CRYBG3: variants seen among roughly 807,000 people sequenced by gnomAD.
CRYBG3 encodes the protein very large A-kinase anchor protein.
A neutral mutation model predicts 244.2 loss-of-function variants in CRYBG3; 127 were observed. The ratio of observed to expected loss-of-function variants is 0.52; its 90% CI spans 0.45 to 0.60. The LOEUF (loss-of-function observed/expected upper bound fraction) is 0.60. Ranked by LOEUF, CRYBG3 falls within the 20% of genes least tolerant of loss-of-function variation. The probability of loss-of-function intolerance (pLI) is 0.00; values close to 1 mark genes in which losing one functional copy is unlikely to be tolerated. For missense variants in CRYBG3, 3,325 were observed against 3,442.5 expected, an observed-to-expected ratio of 0.97 and a Z score of 0.85; for synonymous variants, 1,132 against 1,195.8, an observed-to-expected ratio of 0.95 and a Z score of 1.10.
chr3:97,860,830 G>A (rs1294865506), intron 2 of CRYBG3, among the ~76,000 whole-genome samples: 2 of 151,746 alleles, frequency 1.3e-5, no homozygotes, highest in Non-Finnish European at 2.9e-5. Context: ...TTTTCCATAG[G>A]GATCTTTTGT....
chr3:97,915,019 A>T (rs2039912086), intron 16 of CRYBG3, among the ~76,000 whole-genome samples: 1 of 152,146 alleles, frequency 6.6e-6, no homozygotes, highest in Non-Finnish European at 1.5e-5. Context: ...TTCTTTTTAA[A>T]ATTTTCCATT....
chr3:97,875,984 T>C lies in CRYBG3; in HGVS notation c.4790T>C (p.Val1597Ala). 3.0e-5 allele frequency: 37 copies of C among 1,232,036 alleles called. No homozygotes were observed. Among genetic ancestry groups the C allele is most frequent in the Non-Finnish European group, 3.7e-5 (37 of 987,920 alleles). The allele number at this position is 1,232,036 out of a possible 1,614,324, so 76.3% of individuals were successfully genotyped here. The stretch of plus-strand genomic sequence containing the variant: ...GCTAATGTTTTTAAAATGGGAGAAG[T>C]ATACCAAATGGATGCCGAGAGCTGT... The part of the protein sequence containing the change: ...PKANVFKMGE[V>A]YQMDAESCIE... The change falls in exon 4 of 22, where the codon GTA becomes GCA. Residue 1597 changes from valine to alanine, a missense_variant. This residue lies in a region of CRYBG3 where 635 missense variants were observed against 771.7 expected (regional missense o/e 0.82). Transcript: ENST00000389622.
intron 17 of CRYBG3, among the ~76,000 whole-genome samples, chr3:97,926,881 A>G (rs1399804707): frequency 2.0e-5 from 3 of 152,044 alleles, no homozygotes; most frequent in Admixed American, 2.0e-4. Context: ...AGATCTCTAC[A>G]ATGAAAATTA....
At chr3:97,870,906 A>T (rs947007705) in intron 3 of CRYBG3, among the ~76,000 whole-genome samples, 42 of 151,946 alleles carry the variant, frequency 2.8e-4, no homozygotes, top group Non-Finnish European at 5.6e-4. Context: ...AATGTGACAA[A>T]TGTTGTGCTC....
chr3:97,912,603 T>G (rs1389182347), intron 16 of CRYBG3, among the ~76,000 whole-genome samples: 1 of 152,210 alleles, frequency 6.6e-6, no homozygotes, highest in East Asian at 1.9e-4. Flanking sequence ...ATACCTGGTG[T>G]TTTTATTCAA....
At chr3:97,921,045 T>C (rs1227131009) in intron 17 of CRYBG3, among the ~76,000 whole-genome samples, 1 of 152,080 alleles carries the variant, frequency 6.6e-6, no homozygotes, top group Admixed American at 6.6e-5. Flanking sequence ...TTTCCAATAT[T>C]ATTGCTCAAT....
chr3:97,889,936 TAG>T (rs746793247), intron 10 of CRYBG3, among the ~76,000 whole-genome samples: 157 of 151,824 alleles, frequency 1.0e-3, no homozygotes, highest in African/African-American at 1.5e-3. Context: ...AAAGTATGTT[TAG>T]AGAGAGAGAG....
intron 1 of CRYBG3, 104 bp from the exon 2 acceptor site, chr3:97,843,091 G>A (rs2038845715): frequency 3.1e-6 from 2 of 640,834 alleles, no homozygotes; most frequent in East Asian, 2.7e-5. Context: ...CAATCTTTGA[G>A]CATTGCAGAT....
At chr3:97,863,990 C>T (rs996545015) in intron 2 of CRYBG3, among the ~76,000 whole-genome samples, 1 of 152,126 alleles carries the variant, frequency 6.6e-6, no homozygotes, top group African/African-American at 2.4e-5. Context: ...CTCTGGGCTC[C>T]CATGTGTGCA....
intron 8 of CRYBG3, among the ~76,000 whole-genome samples, chr3:97,887,044 G>A (rs543005162): frequency 3.3e-5 from 5 of 152,208 alleles, no homozygotes; most frequent in Admixed American, 2.6e-4. Context: ...CATGTCCCTG[G>A]CCTAAAATTT....
intron 17 of CRYBG3, among the ~76,000 whole-genome samples, chr3:97,917,954 G>A (rs1454040279): frequency 6.6e-6 from 1 of 152,064 alleles, no homozygotes; most frequent in African/African-American, 2.4e-5. Flanking sequence ...GATTCTTTCT[G>A]TGATTCTCCC....
rs1362587996 is a variant in CRYBG3 at position 97,864,476 on chromosome 3, C to G, written c.476C>G (p.Pro159Arg). 1.3e-6 allele frequency: 2 copies of G among 1,535,758 alleles called. No individual in the cohort carries two copies. Among genetic ancestry groups the G allele is most frequent in the Non-Finnish European group, 1.7e-6 (2 of 1,146,776 alleles). Reference sequence around the variant, plus strand: ...AAAACTGAGAAGGATTTACAAAATCCCAGTGACCATCATGAAGACGGGATC... The same window carrying G: ...AAAACTGAGAAGGATTTACAAAATCGCAGTGACCATCATGAAGACGGGATC... ...QDKTEKDLQN[P>R]SDHHEDGIKR... Residue 159 changes from proline (P) to arginine (R), a missense_variant, in exon 3 of 22, where the codon CCC (proline) becomes CGC (arginine). This residue lies in a region of CRYBG3 where 1,526 missense variants were observed against 1,443.2 expected (regional missense o/e 1.06). Coordinates refer to ENST00000389622, the MANE Select transcript of CRYBG3 (RefSeq NM_153605.4).
In CRYBG3 at chr3:97,876,021, T is replaced by C; in HGVS notation, c.4827T>C (p.Thr1609=). Residue 1609 remains threonine (T), a synonymous_variant, in exon 4 of 22, where the codon ACT becomes ACC. Coordinates refer to ENST00000389622, the MANE Select transcript of CRYBG3 (RefSeq NM_153605.4). ...ATGCCGAGAGCTGTATTGAAAAAAC[T>C]GAGGGATCAGCTGTCATTTTAGGAA... ...QMDAESCIEK[T]EGSAVILGME... is the part of the protein sequence containing the mutation. 8.1e-7 allele frequency: 1 copy of C among 1,231,934 alleles called. No homozygotes were observed. The highest frequency in any genetic ancestry group is 1.0e-6 in the Non-Finnish European group (1 of 987,916). 76.3% of individuals were successfully genotyped at this position (1,231,934 alleles called of 1,614,324 possible). A position where few individuals can be genotyped will look rare whatever the true frequency, so the allele number is the denominator to read the frequency against.
At chr3:97,928,172 G>T (rs575536675) in intron 17 of CRYBG3, among the ~76,000 whole-genome samples, 1 of 152,096 alleles carries the variant, frequency 6.6e-6, no homozygotes, top group East Asian at 1.9e-4. Context: ...ACGTTGGACT[G>T]GATAAAGAAA....
chr3:97,866,923 G>T (rs1466768294), intron 3 of CRYBG3: 1 of 152,134 alleles, frequency 6.6e-6, no homozygotes, highest in Non-Finnish European at 1.5e-5. Context: ...TGAGATGCCG[G>T]CTTCCTTCAG....
chr3:97,834,050 A>G (rs1418776581), intron 1 of CRYBG3, among the ~76,000 whole-genome samples: 1 of 152,078 alleles, frequency 6.6e-6, no homozygotes, highest in Non-Finnish European at 1.5e-5. Context: ...GCATTAATCT[A>G]TTCCTAAGGG....
intron 19 of CRYBG3, among the ~76,000 whole-genome samples, chr3:97,938,245 C>T (rs934029153): frequency 6.6e-6 from 1 of 151,994 alleles, no homozygotes. Context: ...ATGATTCCTA[C>T]CTGTGACAAT....
chr3:97,859,874 A>T (rs1392373339), intron 2 of CRYBG3, among the ~76,000 whole-genome samples: 2 of 152,106 alleles, frequency 1.3e-5, no homozygotes, highest in Non-Finnish European at 2.9e-5. Context: ...TCTTTATTAT[A>T]AGTATTAGAA....
intron 17 of CRYBG3, among the ~76,000 whole-genome samples, chr3:97,931,084 T>A (rs2040092402): frequency 6.6e-6 from 1 of 152,070 alleles, no homozygotes; most frequent in East Asian, 1.9e-4. Flanking sequence ...CATAGGCCAC[T>A]ACCCCGTTTC....
Sources: allele counts gnomAD v4.1 joint callset (sites outside exome capture counted in the v4.1 genomes callset), GRCh38; gene constraint gnomAD v4.1.1; regional missense constraint gnomAD v4.1.1; transcripts MANE v1.5; gene names NCBI Gene and HGNC (gene_info 2026-07-23, HGNC 2026-07-21).